Variants in NPAS3 observed in about 807,000 individuals in gnomAD.
The protein encoded by NPAS3 is neuronal PAS domain-containing protein 3.
A neutral mutation model predicts 73.1 loss-of-function variants in NPAS3; 14 were observed. That is an observed-to-expected ratio of 0.19 (90% CI 0.13 to 0.30). NPAS3 has a LOEUF of 0.30. Among genes scored for constraint, NPAS3 ranks in the 10% least tolerant of loss-of-function variants. NPAS3 has a pLI of 1.00. For missense variants in NPAS3, 1,096 were observed against 1,250.0 expected, an observed-to-expected ratio of 0.88 and a Z score of 1.86; for synonymous variants, 620 against 541.5, an observed-to-expected ratio of 1.14 and a Z score of -2.01.
chr14:33,644,864 C>G (rs980492468), intron 5 of NPAS3, among the ~76,000 whole-genome samples: 18 of 152,128 alleles, frequency 1.2e-4, no homozygotes, highest in Middle Eastern at 3.4e-3. Flanking sequence ...GGGCGGATCA[C>G]AAGGTCAGGG....
chr14:32,989,637 G>C (rs145352638), intron 1 of NPAS3, among the ~76,000 whole-genome samples: 5,503 of 150,788 alleles, frequency 0.036, 354 homozygotes, highest in African/African-American at 0.13. Context: ...AGCGAGACTC[G>C]GTCTCAAACA....
chr14:33,368,357 G>A (rs541411766), intron 4 of NPAS3, among the ~76,000 whole-genome samples: 2 of 151,844 alleles, frequency 1.3e-5, no homozygotes, highest in African/African-American at 4.8e-5. Flanking sequence ...AAATCCTGGT[G>A]GTTCTCCAAA....
chr14:33,224,055 C>A (rs1244573550), intron 3 of NPAS3, among the ~76,000 whole-genome samples: 1 of 152,150 alleles, frequency 6.6e-6, no homozygotes, highest in Non-Finnish European at 1.5e-5. Context: ...TTCTATATCA[C>A]ATCCAACTTA....
At chr14:33,667,203 C>T (rs954741255) in intron 5 of NPAS3, among the ~76,000 whole-genome samples, 1 of 152,170 alleles carries the variant, frequency 6.6e-6, no homozygotes, top group Non-Finnish European at 1.5e-5. Flanking sequence ...CGAATCAGAG[C>T]GGCCACATTC....
At chr14:33,228,431 T>C (rs1472301077) in intron 3 of NPAS3, among the ~76,000 whole-genome samples, 2 of 152,314 alleles carry the variant, frequency 1.3e-5, no homozygotes, top group East Asian at 1.9e-4. Context: ...TCTTAAAATA[T>C]ACTGCATCTG....
chr14:33,022,436 G>A (rs1027330384), intron 1 of NPAS3, among the ~76,000 whole-genome samples: 13 of 151,984 alleles, frequency 8.6e-5, no homozygotes, highest in African/African-American at 3.1e-4. Flanking sequence ...AGGCTGAGGC[G>A]GGCGGATCAC....
intron 4 of NPAS3, among the ~76,000 whole-genome samples, chr14:33,552,452 T>A (rs2055161519): frequency 6.6e-6 from 1 of 152,182 alleles, no homozygotes; most frequent in South Asian, 2.1e-4. Flanking sequence ...CTAACAAATG[T>A]TTGCTTCCTT....
intron 3 of NPAS3, among the ~76,000 whole-genome samples, chr14:33,240,770 C>G (rs917635546): frequency 2.6e-5 from 4 of 151,858 alleles, no homozygotes; most frequent in Non-Finnish European, 5.9e-5. Context: ...TTTTTAAGCA[C>G]CTCTTAGGGA....
At chr14:33,718,217 C>T (rs1158331480) in intron 6 of NPAS3, among the ~76,000 whole-genome samples, 3 of 152,010 alleles carry the variant, frequency 2.0e-5, no homozygotes, top group African/African-American at 7.2e-5. Flanking sequence ...CTTGTTTTGT[C>T]TATTTTGTTG....
At chr14:33,124,251 C>G (rs10137028) in intron 2 of NPAS3, among the ~76,000 whole-genome samples, 5 of 151,834 alleles carry the variant, frequency 3.3e-5, no homozygotes, top group Admixed American at 2.0e-4. Context: ...AGAGTAGATG[C>G]TTGGAGTGAA....
At chr14:33,091,052 T>G (rs2042207434) in intron 2 of NPAS3, among the ~76,000 whole-genome samples, 1 of 152,068 alleles carries the variant, frequency 6.6e-6, no homozygotes, top group Non-Finnish European at 1.5e-5. Flanking sequence ...GATCTAAAAT[T>G]GACACACTAA....
At chr14:33,543,292 A>G (rs1187828641) in intron 4 of NPAS3, among the ~76,000 whole-genome samples, 1 of 152,226 alleles carries the variant, frequency 6.6e-6, no homozygotes, top group East Asian at 1.9e-4. Flanking sequence ...ATAATCCAGA[A>G]TCAGTATAAA....
chr14:33,801,164 ATTTTCGTTTAGACC>A, downstream of NPAS3: 1 of 1,531,648 alleles, frequency 6.5e-7, no homozygotes, highest in Non-Finnish European at 8.7e-7. Context: ...CATCGTCGGC[ATTTTCGTTTAGACC>A]TTTAATTCTA....
rs911862526 is a variant in NPAS3 at position 33,356,114 on chromosome 14, A to G, written c.386-11072A>G. The stretch of plus-strand genomic sequence containing the variant: ...GCACTCAGTAAAGTTTTATTAAAAT[A>G]GGGAATACAGAGTATACATTGAACT... On this transcript the variant is annotated intron_variant, in intron 3 of 11. Coordinates refer to ENST00000356141, the Ensembl canonical transcript of NPAS3. 2.6e-5 allele frequency among the ~76,000 whole-genome samples: 4 copies of G among 152,372 alleles called. No individual in the cohort carries two copies. The East Asian group carries it at 5.8e-4, about 22-fold the overall frequency.
intron 4 of NPAS3, among the ~76,000 whole-genome samples, chr14:33,432,213 G>A (rs968835212): frequency 8.5e-5 from 13 of 152,102 alleles, no homozygotes; most frequent in Admixed American, 3.9e-4. Context: ...GAGCGAGTTT[G>A]TACAGTCATT....
At chr14:33,108,780 A>T (rs2042800412) in intron 2 of NPAS3, among the ~76,000 whole-genome samples, 1 of 152,142 alleles carries the variant, frequency 6.6e-6, no homozygotes, top group African/African-American at 2.4e-5. Context: ...AATTCCAATA[A>T]TTCAGTCTAG....
At chr14:33,054,971 A>C (rs924447192) in intron 1 of NPAS3, among the ~76,000 whole-genome samples, 2 of 152,166 alleles carry the variant, frequency 1.3e-5, no homozygotes, top group Non-Finnish European at 2.9e-5. Flanking sequence ...ATAATTAAGA[A>C]GATATTAAGT....
In NPAS3 at chr14:32,947,186, G is replaced by T. The variant is rs552739575; in HGVS notation, c.50+7820G>T. Among the ~76,000 whole-genome samples, 27 of 152,174 alleles carry T rather than the reference G, an allele frequency of 1.8e-4. 1 individual carries two copies. Among genetic ancestry groups the T allele is most frequent in the Admixed American group, 9.2e-4 (14 of 15,276 alleles). On this transcript the variant is annotated intron_variant, in intron 1 of 11. Coordinates refer to ENST00000356141, the Ensembl canonical transcript of NPAS3. ...AATATTGGATTAAGGGTCAATATAA[G>T]TGTGAATATAGCTATAATTAACACT...
At chr14:33,674,089 C>T (rs529623038) in intron 5 of NPAS3, among the ~76,000 whole-genome samples, 1 of 152,230 alleles carries the variant, frequency 6.6e-6, no homozygotes, top group South Asian at 2.1e-4. Flanking sequence ...CAGTCTTGCC[C>T]TAGATGTGCC....
Sources: gnomAD v4.1 joint callset for allele counts (sites outside exome capture counted in the v4.1 genomes callset) on GRCh38, gnomAD v4.1.1 for gene constraint, MANE v1.5 for transcripts, NCBI Gene and HGNC (gene_info 2026-07-23, HGNC 2026-07-21) for gene names.